MTCL3: variants seen among roughly 807,000 people sequenced by gnomAD.
MTCL3 encodes the protein microtubule cross-linking factor 3.
chr6:127,515,892 GC>G, the MTCL3 span: 3 of 1,611,328 alleles, frequency 1.9e-6, no homozygotes, highest in Admixed American at 1.7e-5. The surrounding 1 kb of genome is among the most constrained non-coding windows in gnomAD (Gnocchi z 4.3). Context: ...CACCGCTGCC[GC>G]CCCCCGCAAC....
At chr6:127,486,095 C>G in the MTCL3 span, among the ~76,000 whole-genome samples, 1 of 152,160 alleles carries the variant, frequency 6.6e-6, no homozygotes, top group African/African-American at 2.4e-5. Context: ...GAAATTTAGA[C>G]TTTATCCTGT....
At chr6:127,486,536 TG>T in the MTCL3 span, among the ~76,000 whole-genome samples, 1 of 152,172 alleles carries the variant, frequency 6.6e-6, no homozygotes, top group East Asian at 1.9e-4. Flanking sequence ...TTGTAACCTC[TG>T]CTAGGGGAGC....
At chr6:127,496,544 A>G in the MTCL3 span, among the ~76,000 whole-genome samples, 1 of 152,254 alleles carries the variant, frequency 6.6e-6, no homozygotes, top group Non-Finnish European at 1.5e-5. Flanking sequence ...TAAATTTGCC[A>G]TATGACCCAG....
the MTCL3 span, chr6:127,516,728 G>T: frequency 1.4e-6 from 2 of 1,471,742 alleles, no homozygotes; most frequent in Non-Finnish European, 1.8e-6. Flanking sequence ...AAGGAGAGAA[G>T]AAGACAACAT....
the MTCL3 span, among the ~76,000 whole-genome samples, chr6:127,474,069 A>G: frequency 6.6e-6 from 1 of 151,070 alleles, no homozygotes; most frequent in Non-Finnish European, 1.5e-5. Flanking sequence ...TACCGTATAG[A>G]CTCCTTCCCC....
chr6:127,508,688 TCTTA>T, the MTCL3 span, among the ~76,000 whole-genome samples: 1 of 152,232 alleles, frequency 6.6e-6, no homozygotes, highest in Admixed American at 6.5e-5. Context: ...ATCATCATCA[TCTTA>T]CTCTTTTTCT....
At chr6:127,514,833 T>C in the MTCL3 span, 1 of 1,612,012 alleles carries the variant, frequency 6.2e-7, no homozygotes, top group Non-Finnish European at 8.5e-7. Flanking sequence ...CTTGAGGTCC[T>C]GCTCCAGGCT....
chr6:127,485,308 C>T, the MTCL3 span, among the ~76,000 whole-genome samples: 1 of 151,986 alleles, frequency 6.6e-6, no homozygotes, highest in African/African-American at 2.4e-5. Flanking sequence ...AGGCATTCCA[C>T]ATAGAAAAAC....
the MTCL3 span, chr6:127,515,726 G>C: frequency 1.1e-5 from 18 of 1,593,280 alleles, no homozygotes; most frequent in East Asian, 2.0e-4. The surrounding 1 kb of genome is among the most constrained non-coding windows in gnomAD (Gnocchi z 4.3). Flanking sequence ...CAAACGGCAG[G>C]GGGGCCAGAC....
the MTCL3 span, chr6:127,512,816 G>A: frequency 1.7e-5 from 24 of 1,389,164 alleles, no homozygotes; most frequent in Non-Finnish European, 2.1e-5. Flanking sequence ...TTTTTTAACA[G>A]TCATATTAGT....
the MTCL3 span, among the ~76,000 whole-genome samples, chr6:127,503,539 T>C: frequency 6.6e-6 from 1 of 152,194 alleles, no homozygotes; most frequent in African/African-American, 2.4e-5. Flanking sequence ...ACCCTCATTT[T>C]ACATTTTTTC....
the MTCL3 span, chr6:127,515,487 C>A: frequency 7.1e-7 from 1 of 1,411,048 alleles, no homozygotes; most frequent in South Asian, 1.7e-5. This position sits in a 1 kb window ranked among gnomAD's most constrained non-coding sequence, Gnocchi z 4.3. Flanking sequence ...TTCCCATCCC[C>A]CAGCCGGGTC....
the MTCL3 span, among the ~76,000 whole-genome samples, chr6:127,488,181 C>A: frequency 3.9e-5 from 6 of 152,296 alleles, no homozygotes; most frequent in East Asian, 9.7e-4. Flanking sequence ...CCTCTGCCTG[C>A]AACATTCTTC....
chr6:127,473,050 T>C, the MTCL3 span: 5 of 1,059,550 alleles, frequency 4.7e-6, no homozygotes, highest in Non-Finnish European at 5.8e-6. Context: ...ATTAAAACAA[T>C]TCATACAGAA....
the MTCL3 span, among the ~76,000 whole-genome samples, chr6:127,502,773 C>T: frequency 2.0e-5 from 3 of 152,262 alleles, no homozygotes; most frequent in East Asian, 1.9e-4. Context: ...CATATGTTAT[C>T]TCATGTTACC....
the MTCL3 span, chr6:127,475,722 A>C: frequency 0.011 from 17,192 of 1,588,450 alleles, 1,508 homozygotes; most frequent in African/African-American, 0.19. This position sits in a 1 kb window ranked among gnomAD's most constrained non-coding sequence, Gnocchi z 7.3. Context: ...TGCGGTGCGG[A>C]GGCCGCGAGT....
At chr6:127,478,153 A>G in the MTCL3 span, among the ~76,000 whole-genome samples, 2 of 152,212 alleles carry the variant, frequency 1.3e-5, no homozygotes, top group Non-Finnish European at 2.9e-5. Context: ...GATGAGACCA[A>G]GGACATGTTA....
At chr6:127,476,123 T>G in the MTCL3 span, 1 of 1,614,164 alleles carries the variant, frequency 6.2e-7, no homozygotes, top group Non-Finnish European at 8.5e-7. The surrounding 1 kb of genome is among the most constrained non-coding windows in gnomAD (Gnocchi z 4.4). Flanking sequence ...TGCTCCCTCA[T>G]GAGCGGGTTG....
At chr6:127,511,464 T>C in the MTCL3 span, among the ~76,000 whole-genome samples, 7 of 152,306 alleles carry the variant, frequency 4.6e-5, no homozygotes, top group East Asian at 1.2e-3. Context: ...ATCTTTGCCA[T>C]TCCTTAAATG....
Sources: allele counts gnomAD v4.1 joint callset (sites outside exome capture counted in the v4.1 genomes callset), GRCh38; gene constraint gnomAD v4.1.1; non-coding constraint Gnocchi (gnomAD v3.1); transcripts MANE v1.5; gene names NCBI Gene and HGNC (gene_info 2026-07-23, HGNC 2026-07-21).